Variants in ACACA observed in about 807,000 individuals in gnomAD.
ACACA encodes acetyl-CoA carboxylase 1.
A neutral mutation model predicts 296.1 loss-of-function variants in ACACA; 103 were observed. The observed-to-expected ratio is 0.35, with a 90% CI of 0.30 to 0.41. The LOEUF is 0.41. Ranked by LOEUF, ACACA falls within the 10% of genes least tolerant of loss-of-function variation. The probability of loss-of-function intolerance (pLI) is 1.00; values close to 1 mark genes in which losing one functional copy is unlikely to be tolerated. For synonymous variants in ACACA, 953 were observed against 1,038.6 expected, an observed-to-expected ratio of 0.92 and a Z score of 1.58; for missense variants, 1,554 against 2,989.7, an observed-to-expected ratio of 0.52 and a Z score of 11.20.
At chr17:37,391,792 T>G in intron 1 of ACACA, 1 of 1,360,878 alleles carries the variant, frequency 7.3e-7, no homozygotes, top group Non-Finnish European at 1.0e-6. Flanking sequence ...ATGGGCACAT[T>G]CTTGCCAATT....
chr17:37,191,315 A>C, intron 37 of ACACA, 40 bp from the exon 38 acceptor site: 1 of 1,585,864 alleles, frequency 6.3e-7, no homozygotes, highest in East Asian at 2.3e-5. Flanking sequence ...TGTAGTTTAA[A>C]AGAGGCAATA....
At chr17:37,118,461 T>C (rs1176653561) in intron 50 of ACACA, among the ~76,000 whole-genome samples, 1 of 152,254 alleles carries the variant, frequency 6.6e-6, no homozygotes, top group African/African-American at 2.4e-5. Context: ...TTCTGAGCTC[T>C]TGAAATTTCT....
At chr17:37,356,098 G>C (rs571517263) in intron 1 of ACACA, among the ~76,000 whole-genome samples, 286 of 152,078 alleles carry the variant, frequency 1.9e-3, no homozygotes, top group South Asian at 4.8e-3. Context: ...AACCTGAGAG[G>C]TGGAGGTTGC....
chr17:37,275,925 G>A, intron 8 of ACACA, 26 bp downstream of exon 8: 3 of 1,586,358 alleles, frequency 1.9e-6, no homozygotes, highest in Non-Finnish European at 2.6e-6. Context: ...TGTACTTCAA[G>A]ATACAAACAA....
chr17:37,325,776 G>A, intron 3 of ACACA, among the ~76,000 whole-genome samples: 1 of 151,708 alleles, frequency 6.6e-6, no homozygotes, highest in Non-Finnish European at 1.5e-5. Context: ...GTTTCTCCAT[G>A]TTGGTCAGGC....
chr17:37,253,317 G>A (rs1164320577), intron 14 of ACACA, among the ~76,000 whole-genome samples: 4 of 152,176 alleles, frequency 2.6e-5, no homozygotes, highest in East Asian at 1.9e-4. Context: ...GCGTGAACCC[G>A]GGAGGCGGAG....
At chr17:37,170,518 A>G (rs939761986) in intron 41 of ACACA, among the ~76,000 whole-genome samples, 1 of 152,274 alleles carries the variant, frequency 6.6e-6, no homozygotes, top group Non-Finnish European at 1.5e-5. Context: ...ATCAGAGGTG[A>G]TCATTATTTC....
intron 10 of ACACA, among the ~76,000 whole-genome samples, chr17:37,268,430 C>T (rs1031924715): frequency 6.6e-6 from 1 of 152,114 alleles, no homozygotes; most frequent in African/African-American, 2.4e-5. Context: ...ATTTCCAGTT[C>T]ACCCTTTCTC....
chr17:37,146,304 C>T (rs2075803800), intron 45 of ACACA, among the ~76,000 whole-genome samples: 1 of 152,096 alleles, frequency 6.6e-6, no homozygotes, highest in Admixed American at 6.6e-5. Context: ...GTTGAAAATG[C>T]ATGTCTCTTC....
intron 23 of ACACA, 95 bp from the exon 24 acceptor site, chr17:37,240,659 T>C: frequency 1.1e-6 from 1 of 894,568 alleles, no homozygotes; most frequent in East Asian, 2.6e-5. Flanking sequence ...GACATTCCAC[T>C]GAACTGCTTT....
chr17:37,217,079 C>T (rs528192823), intron 29 of ACACA, among the ~76,000 whole-genome samples: 3 of 150,826 alleles, frequency 2.0e-5, no homozygotes, highest in African/African-American at 4.9e-5. Flanking sequence ...CTGACCAACA[C>T]GGAGAAACCC....
At chr17:37,385,352 A>G (rs1264713481) in intron 1 of ACACA, among the ~76,000 whole-genome samples, 2 of 152,164 alleles carry the variant, frequency 1.3e-5, no homozygotes, top group African/African-American at 4.8e-5. Flanking sequence ...ATGCACCTGT[A>G]GTCTCAGCTA....
rs761328732 is a variant in ACACA, at chr17:37,087,363, C to T, written c.7105G>A (p.Ala2369Thr). Residue 2369 changes from alanine (A) to threonine (T), a missense_variant, in exon 56 of 56, where the codon GCA (alanine) becomes ACA (threonine). This residue lies in a region of ACACA where 553 missense variants were observed against 1,043.6 expected (regional missense o/e 0.53). Transcript: ENST00000616317. Reference protein sequence around the residue: ...MTQHISPTQRAEVIRILSTMD... With the variant: ...MTQHISPTQRTEVIRILSTMD... ...GTGGAGAGGATCCGTATGACTTCTG[C>T]TCGCTGAGTGGGTGATATGTGCTGC... 3.1e-6 allele frequency: 5 copies of T among 1,614,090 alleles called. No individual in the cohort carries two copies. The East Asian group carries it at 6.7e-5, about 22-fold the overall frequency.
At chr17:37,222,512 C>G (rs750611480) in intron 28 of ACACA, among the ~76,000 whole-genome samples, 5 of 152,146 alleles carry the variant, frequency 3.3e-5, no homozygotes, top group African/African-American at 4.8e-5. Flanking sequence ...TAGGCTACAT[C>G]TCTGCAAAAA....
intron 33 of ACACA, among the ~76,000 whole-genome samples, chr17:37,205,393 CA>C (rs1359560277): frequency 6.6e-6 from 1 of 151,870 alleles, no homozygotes; most frequent in Non-Finnish European, 1.5e-5. Context: ...CTGATAGTTT[CA>C]AAGGAGGGGA....
intron 3 of ACACA, among the ~76,000 whole-genome samples, chr17:37,300,407 A>G (rs2083562943): frequency 6.6e-6 from 1 of 152,184 alleles, no homozygotes; most frequent in Non-Finnish European, 1.5e-5. Context: ...AAAAGACCCT[A>G]AAGGCTTAGA....
rs181536306 is a variant in ACACA at position 37,339,301 on chromosome 17, C to A, written c.85+503G>T. On this transcript the variant is annotated intron_variant, in intron 2 of 55. Coordinates refer to ENST00000616317, the MANE Select transcript of ACACA (RefSeq NM_198834.3). ...ATCCACAAGGCACAATTCTTTGACT[C>A]CATGGGAGAAGAAAAAGAGAGTTAA... Among the ~76,000 whole-genome samples the A allele has an allele frequency of 3.7e-4, 57 of 152,298 alleles. No individual in the cohort carries two copies. The East Asian group carries it at 0.011, about 29-fold the overall frequency.
rs2078264499 is a variant in ACACA, at chr17:37,201,850, A to T, written c.4057-1367T>A. Among the ~76,000 whole-genome samples, 2 of 152,374 alleles carry T rather than the reference A, an allele frequency of 1.3e-5. 1 individual carries two copies. The highest frequency in any genetic ancestry group is 6.8e-3 in the Middle Eastern group (2 of 294). On this transcript the variant is annotated intron_variant, in intron 33 of 55. Coordinates refer to ENST00000616317, the MANE Select transcript of ACACA (RefSeq NM_198834.3). Reference sequence around the variant, plus strand: ...TTGTCTTCCCCTTATAAGGAAGCACATTCTTGGGTTATTTCTTCCAATTTC... The same window carrying T: ...TTGTCTTCCCCTTATAAGGAAGCACTTTCTTGGGTTATTTCTTCCAATTTC...
At chr17:37,088,281 G>A (rs1265939070) in intron 55 of ACACA, among the ~76,000 whole-genome samples, 2 of 152,152 alleles carry the variant, frequency 1.3e-5, no homozygotes, top group African/African-American at 4.8e-5. Context: ...AATGCACACT[G>A]AAATATTTGG....
Sources: gnomAD v4.1 joint callset for allele counts (sites outside exome capture counted in the v4.1 genomes callset) on GRCh38, gnomAD v4.1.1 for gene constraint, gnomAD v4.1.1 regional missense constraint, MANE v1.5 for transcripts, NCBI Gene and HGNC (gene_info 2026-07-23, HGNC 2026-07-21) for gene names.